MAP2K1: variants seen among roughly 807,000 people sequenced by gnomAD.
MAP2K1 encodes the protein mitogen-activated protein kinase kinase 1.
Under a neutral mutation model 46.3 loss-of-function variants are expected in MAP2K1, and 16 were observed. That is an observed-to-expected ratio of 0.35 (90% confidence interval 0.23 to 0.52). The LOEUF (loss-of-function observed/expected upper bound fraction) is 0.52. Among genes scored for constraint, MAP2K1 ranks in the 20% least tolerant of loss-of-function variants. The pLI, the probability that MAP2K1 is intolerant of heterozygous loss-of-function variation, is 0.94. For synonymous variants in MAP2K1, 183 were observed against 185.6 expected (o/e 0.99, Z 0.11); for missense variants, 263 against 497.1 (o/e 0.53, Z 4.48).
intron 5 of MAP2K1, among the ~76,000 whole-genome samples, chr15:66,464,288 GAGAAA>G (rs1892406043): frequency 6.6e-6 from 1 of 152,138 alleles, no homozygotes; most frequent in African/African-American, 2.4e-5. Flanking sequence ...AAAATAGGGG[GAGAAA>G]GGGAGAAAAA....
intron 1 of MAP2K1, among the ~76,000 whole-genome samples, chr15:66,403,613 G>T (rs1429531574): frequency 6.6e-6 from 1 of 152,128 alleles, no homozygotes; most frequent in Non-Finnish European, 1.5e-5. Flanking sequence ...CAGACAAAGT[G>T]GAAATTGAGT....
chr15:66,442,836 T>G (rs897382391), intron 3 of MAP2K1, among the ~76,000 whole-genome samples: 2 of 152,182 alleles, frequency 1.3e-5, no homozygotes, highest in Admixed American at 1.3e-4. Context: ...ACTCCCATGA[T>G]CCTATCTTTG....
intron 1 of MAP2K1, among the ~76,000 whole-genome samples, chr15:66,433,177 C>G (rs1225914435): frequency 6.6e-6 from 1 of 152,128 alleles, no homozygotes; most frequent in East Asian, 1.9e-4. Flanking sequence ...AGAGTGTGCA[C>G]TGTGCACCCC....
rs56820379 is a variant in MAP2K1 at position 66,472,075 on chromosome 15, C to CAAAAAAAA, written c.569-9669_569-9662dup. 1.1e-3 allele frequency among the ~76,000 whole-genome samples: 105 copies of CAAAAAAAA among 91,544 alleles called. 4 individuals carry two copies. The highest frequency in any genetic ancestry group is 6.9e-3 in the Middle Eastern group (1 of 144). The allele number at this position is 91,544 out of a possible 152,430, so 60.1% of individuals were successfully genotyped here. On this transcript the variant is annotated intron_variant, in intron 5 of 10. Transcript: ENST00000307102. ...CTGGCAACAGAGCAAGACTCCATCT[C>CAAAAAAAA]AAAAAAAAAAAAAAAAAAGATGCTG...
In MAP2K1 at chr15:66,387,436, G is replaced by A. The variant is rs1219385230; in HGVS notation, c.80+9G>A. ...GGGACCAGCTCTGCGGAGTAAGTAT[G>A]GGGCGGGCGGTGAACCTCGGGGCCC... On this transcript the variant is annotated intron_variant, in intron 1 of 10. Coordinates refer to ENST00000307102, the MANE Select transcript of MAP2K1 (RefSeq NM_002755.4). 2.6e-5 allele frequency: 40 copies of A among 1,553,422 alleles called. No individual in the cohort carries two copies. Among genetic ancestry groups the A allele is most frequent in the Non-Finnish European group, 3.0e-5 (35 of 1,147,954 alleles).
intron 1 of MAP2K1, among the ~76,000 whole-genome samples, chr15:66,430,926 A>G (rs1013155826): frequency 4.6e-5 from 7 of 152,126 alleles, no homozygotes; most frequent in African/African-American, 1.7e-4. Flanking sequence ...CTGCATTCCC[A>G]TTCAAACCTT....
chr15:66,484,363 G>T (rs1433698042), intron 6 of MAP2K1, among the ~76,000 whole-genome samples: 1 of 151,794 alleles, frequency 6.6e-6, no homozygotes, highest in East Asian at 1.9e-4. Context: ...GGCCAGGCTG[G>T]TCTCGAACTC....
At chr15:66,444,049 C>G (rs1168777363) in intron 4 of MAP2K1, among the ~76,000 whole-genome samples, 1 of 151,710 alleles carries the variant, frequency 6.6e-6, no homozygotes, top group African/African-American at 2.4e-5. Context: ...ACCAGCCTGA[C>G]CAACATGGAG....
intron 5 of MAP2K1, among the ~76,000 whole-genome samples, chr15:66,473,449 T>C (rs1892686403): frequency 6.6e-6 from 1 of 151,792 alleles, no homozygotes; most frequent in African/African-American, 2.4e-5. Flanking sequence ...TGGCGTGTGC[T>C]GAAGTGGGAG....
In MAP2K1 at chr15:66,469,723, C is replaced by CACACACAT. The variant is rs143830560; in HGVS notation, c.569-12031_569-12030insCACACATA. Among the ~76,000 whole-genome samples the CACACACAT allele has an allele frequency of 4.2e-3, 561 of 134,536 alleles. 17 individuals carry two copies. The highest frequency in any genetic ancestry group is 7.4e-3 in the Middle Eastern group (2 of 270). The allele number at this position is 134,536 out of a possible 152,430, so 88.3% of individuals were successfully genotyped here. A position where few individuals can be genotyped will look rare whatever the true frequency, so the allele number is the denominator to read the frequency against. On this transcript the variant is annotated intron_variant, in intron 5 of 10. Coordinates refer to ENST00000307102, the MANE Select transcript of MAP2K1 (RefSeq NM_002755.4). ...ACACACACACACACACACACACACACATATCGGATGTTAGCTTTTAATTAA... is the reference window on the plus strand; with the variant it reads ...ACACACACACACACACACACACACACACACACATATATCGGATGTTAGCTTTTAATTAA...
intron 2 of MAP2K1, 44 bp from the exon 3 acceptor site, chr15:66,436,702 C>T (rs1221688215): frequency 8.8e-6 from 14 of 1,583,960 alleles, no homozygotes; most frequent in Non-Finnish European, 1.2e-5. Flanking sequence ...TCCCTTCCTC[C>T]CTCTTTCTTT....
At chr15:66,475,225 G>T (rs1486936500) in intron 5 of MAP2K1, among the ~76,000 whole-genome samples, 1 of 152,184 alleles carries the variant, frequency 6.6e-6, no homozygotes, top group Non-Finnish European at 1.5e-5. Flanking sequence ...GACTCATCCA[G>T]GTCAGCTCCC....
At chr15:66,424,066 T>TG (rs937611763) in intron 1 of MAP2K1, among the ~76,000 whole-genome samples, 1 of 149,634 alleles carries the variant, frequency 6.7e-6, no homozygotes, top group Non-Finnish European at 1.5e-5. Context: ...TCTTGTGCAT[T>TG]TTTTTTTTGA....
At chr15:66,419,268 C>T (rs995347788) in intron 1 of MAP2K1, among the ~76,000 whole-genome samples, 3 of 152,114 alleles carry the variant, frequency 2.0e-5, no homozygotes, top group African/African-American at 7.2e-5. Flanking sequence ...ACCTGTAATT[C>T]TAGCACTTTG....
At chr15:66,394,336 T>C (rs2093362795) in intron 1 of MAP2K1, among the ~76,000 whole-genome samples, 1 of 139,432 alleles carries the variant, frequency 7.2e-6, no homozygotes, top group South Asian at 2.2e-4. Context: ...GCCAGGTTTG[T>C]AAGGAACACA....
At chr15:66,408,128 G>C (rs2093402373) in intron 1 of MAP2K1, among the ~76,000 whole-genome samples, 2 of 152,220 alleles carry the variant, frequency 1.3e-5, no homozygotes, top group African/African-American at 4.8e-5. Flanking sequence ...CATACACTCT[G>C]TGTGTAAACT....
intron 6 of MAP2K1, among the ~76,000 whole-genome samples, chr15:66,484,100 ATATCATTGTTAC>A (rs1294542765): frequency 6.6e-6 from 1 of 150,736 alleles, no homozygotes; most frequent in East Asian, 2.0e-4. Flanking sequence ...GAGTTTTCTT[ATATCATTGTTAC>A]TGTCATTTTC....
rs58831070 is a variant in MAP2K1, at chr15:66,392,255, GTTTTTT to G, written c.80+4847_80+4852del. Among the ~76,000 whole-genome samples the G allele has an allele frequency of 1.5e-4, 15 of 97,758 alleles. 1 individual carries two copies. The highest frequency in any genetic ancestry group is 6.4e-4 in the African/African-American group (14 of 22,034). The allele number at this position is 97,758 out of a possible 152,430, so 64.1% of individuals were successfully genotyped here. A position where few individuals can be genotyped will look rare whatever the true frequency, so the allele number is the denominator to read the frequency against. The stretch of plus-strand genomic sequence containing the variant: ...ACGAATATTTGTGTGTTTTTTTTGG[GTTTTTT>G]TTTTTTTTTTTTTTTTTTAAGAAAG... On this transcript the variant is annotated intron_variant, in intron 1 of 10. Coordinates refer to ENST00000307102, the MANE Select transcript of MAP2K1 (RefSeq NM_002755.4).
chr15:66,464,742 G>T (rs1446243969), intron 5 of MAP2K1, among the ~76,000 whole-genome samples: 3 of 151,550 alleles, frequency 2.0e-5, no homozygotes, highest in Non-Finnish European at 1.5e-5. Context: ...TCACGCTGTG[G>T]TCTCGAACTC....
Sources: gnomAD v4.1 joint callset for allele counts (sites outside exome capture counted in the v4.1 genomes callset) on GRCh38, gnomAD v4.1.1 for gene constraint, MANE v1.5 for transcripts, NCBI Gene and HGNC (gene_info 2026-07-23, HGNC 2026-07-21) for gene names.